The following FHIP2A variants were observed in gnomAD, a reference collection of about 807,000 sequenced individuals.
The protein encoded by FHIP2A is FHF complex subunit HOOK interacting protein 2A.
FHIP2A carries 46 observed loss-of-function variants against 93.5 expected under a neutral mutation model. The observed-to-expected ratio is 0.49, with a 90% CI of 0.39 to 0.63. The LOEUF is 0.63. Among genes scored for constraint, FHIP2A ranks in the 20% least tolerant of loss-of-function variants. The pLI, the probability that FHIP2A is intolerant of heterozygous loss-of-function variation, is 0.00. For synonymous variants in FHIP2A, 332 were observed against 326.5 expected (o/e 1.02, Z -0.18); for missense variants, 769 against 909.7 (o/e 0.85, Z 1.99).
intron 7 of FHIP2A, among the ~76,000 whole-genome samples, chr10:114,844,932 G>A (rs1013492660): frequency 8.6e-5 from 13 of 150,934 alleles, no homozygotes; most frequent in African/African-American, 2.9e-4. Flanking sequence ...TTACAGGCAT[G>A]AGCCACCATG....
At chr10:114,889,273 C>T (rs982063144) in intron 16 of FHIP2A, among the ~76,000 whole-genome samples, 23 of 152,104 alleles carry the variant, frequency 1.5e-4, no homozygotes, top group African/African-American at 5.6e-4. Flanking sequence ...GCAGCTAGAA[C>T]TCAAACATTA....
chr10:114,839,274 G>A (rs1413797749), intron 5 of FHIP2A, among the ~76,000 whole-genome samples: 4 of 151,772 alleles, frequency 2.6e-5, no homozygotes, highest in Admixed American at 6.6e-5. Context: ...TTACAGGTGC[G>A]CACCACCACG....
chr10:114,857,136 C>T (rs917353848), intron 14 of FHIP2A, among the ~76,000 whole-genome samples: 3 of 152,036 alleles, frequency 2.0e-5, no homozygotes, highest in African/African-American at 7.2e-5. Context: ...AAAAAAAAAC[C>T]CTTGATTTTC....
At chr10:114,831,814 G>C (rs1477854783) in intron 2 of FHIP2A, among the ~76,000 whole-genome samples, 2 of 152,224 alleles carry the variant, frequency 1.3e-5, no homozygotes, top group Admixed American at 6.5e-5. Context: ...GAAAGTGACA[G>C]AGCCAAGATT....
intron 1 of FHIP2A, among the ~76,000 whole-genome samples, chr10:114,822,522 G>GA (rs563571871): frequency 3.0e-4 from 46 of 152,318 alleles, no homozygotes; most frequent in Admixed American, 2.9e-3. Context: ...ACCTTCTCCG[G>GA]AAAAAAAGTG....
At position 114,878,123 on chromosome 10, in the gene FHIP2A, T is replaced by C. The variant is rs150166509; in HGVS notation, c.2192+16789T>C. 4.0e-3 allele frequency among the ~76,000 whole-genome samples: 604 copies of C among 152,342 alleles called. 2 individuals carry two copies. The highest frequency in any genetic ancestry group is 0.014 in the African/African-American group (584 of 41,576). ...TTTCCAGTACTTCATGCATATATAT[T>C]TTCTAATCTGTGAGGTCTACATAAT... On this transcript the variant is annotated intron_variant, in intron 16 of 16. Transcript: ENST00000369250.
intron 16 of FHIP2A, among the ~76,000 whole-genome samples, chr10:114,876,385 T>C (rs1313207499): frequency 1.3e-5 from 2 of 152,186 alleles, no homozygotes; most frequent in African/African-American, 2.4e-5. Context: ...GGTACTGCAG[T>C]CCAGACTCCA....
In FHIP2A at chr10:114,870,940, C is replaced by G. The variant is rs1832409937; in HGVS notation, c.2192+9606C>G. On this transcript the variant is annotated intron_variant, in intron 16 of 16. Coordinates refer to the FHIP2A transcript ENST00000369250. ...GAAGGGGAACAGGAGGAGAAAGAAGCAACTTCCTTCCTTTGACGTTATTGT... is the reference window on the plus strand; with the variant it reads ...GAAGGGGAACAGGAGGAGAAAGAAGGAACTTCCTTCCTTTGACGTTATTGT... Among the ~76,000 whole-genome samples, 5 of 152,098 alleles carry G rather than the reference C, an allele frequency of 3.3e-5. No individual in the cohort carries two copies. The South Asian group carries it at 1.0e-3, about 32-fold the overall frequency.
intron 16 of FHIP2A, among the ~76,000 whole-genome samples, chr10:114,870,716 AGTCCCT>A (rs945629007): frequency 1.1e-4 from 17 of 152,308 alleles, no homozygotes; most frequent in Admixed American, 8.5e-4. Context: ...ATTTCAATAA[AGTCCCT>A]GTCTTGGAAA....
intron 16 of FHIP2A, among the ~76,000 whole-genome samples, chr10:114,881,063 T>C (rs1171179278): frequency 6.6e-6 from 1 of 152,180 alleles, no homozygotes; most frequent in African/African-American, 2.4e-5. Context: ...GCCTTTCTTA[T>C]TCGCTGGATG....
intron 16 of FHIP2A, among the ~76,000 whole-genome samples, chr10:114,879,581 G>T (rs542387058): frequency 6.6e-6 from 1 of 152,314 alleles, no homozygotes; most frequent in South Asian, 2.1e-4. Context: ...TCTCCCGGAA[G>T]TGGCATTCCC....
chr10:114,843,985 C>T (rs756652859), intron 7 of FHIP2A, 48 bp downstream of exon 7: 2 of 1,398,558 alleles, frequency 1.4e-6, no homozygotes, highest in Non-Finnish European at 1.9e-6. Flanking sequence ...TTCTTAACAC[C>T]TACATTTTAA....
intron 14 of FHIP2A, 33 bp downstream of exon 14, chr10:114,855,373 T>G (rs749235153): frequency 6.3e-7 from 1 of 1,576,776 alleles, no homozygotes. Context: ...TTTTCATATT[T>G]TTTTTTGCCA....
chr10:114,858,986 C>T (rs2143012981), intron 14 of FHIP2A, among the ~76,000 whole-genome samples: 1 of 151,822 alleles, frequency 6.6e-6, no homozygotes, highest in South Asian at 2.1e-4. Flanking sequence ...TGGACCCCCC[C>T]CAAAATAGGT....
chr10:114,827,582 G>A (rs1217685977), intron 1 of FHIP2A, among the ~76,000 whole-genome samples: 2 of 152,170 alleles, frequency 1.3e-5, no homozygotes, highest in African/African-American at 4.8e-5. Context: ...CGGATCATGA[G>A]GTCAGGAGAT....
At chr10:114,834,872 A>G (rs1236327204) in intron 3 of FHIP2A, among the ~76,000 whole-genome samples, 1 of 152,232 alleles carries the variant, frequency 6.6e-6, no homozygotes. Context: ...CCAAACATGG[A>G]TGAAAAATAT....
intron 7 of FHIP2A, among the ~76,000 whole-genome samples, chr10:114,844,979 TAG>T (rs10540980): frequency 1.7e-4 from 24 of 143,728 alleles, no homozygotes; most frequent in Non-Finnish European, 2.3e-4. Context: ...GTATTTTTAG[TAG>T]AGAGAGAGAG....
chr10:114,832,113 A>G (rs1198288874), intron 2 of FHIP2A, among the ~76,000 whole-genome samples: 1 of 152,224 alleles, frequency 6.6e-6, no homozygotes, highest in Non-Finnish European at 1.5e-5. Context: ...TTGTATTTAA[A>G]TGTTCTATAA....
At chr10:114,890,921 AT>A (rs1474605475) in intron 16 of FHIP2A, among the ~76,000 whole-genome samples, 1 of 151,100 alleles carries the variant, frequency 6.6e-6, no homozygotes, top group Non-Finnish European at 1.5e-5. Flanking sequence ...CAGGCTGGAC[AT>A]GGTGGTTCAT....
Sources: gnomAD v4.1 joint callset for allele counts (sites outside exome capture counted in the v4.1 genomes callset) on GRCh38, gnomAD v4.1.1 for gene constraint, MANE v1.5 for transcripts, NCBI Gene and HGNC (gene_info 2026-07-23, HGNC 2026-07-21) for gene names.